The following GRAMD1B variants were observed in gnomAD, a reference collection of about 807,000 sequenced individuals.
The protein encoded by GRAMD1B is GRAM domain containing 1B.
Under a neutral mutation model 99.7 loss-of-function variants are expected in GRAMD1B, and 37 were observed. The ratio of observed to expected loss-of-function variants is 0.37; its 90% CI spans 0.29 to 0.49. The LOEUF is 0.49. GRAMD1B is among the 20% of genes least tolerant of loss of function. GRAMD1B has a pLI of 0.98. For synonymous variants in GRAMD1B, 427 were observed against 387.6 expected, an observed-to-expected ratio of 1.10 and a Z score of -1.19; for missense variants, 888 against 1,009.2, an observed-to-expected ratio of 0.88 and a Z score of 1.63.
chr11:123,416,414 C>A (rs1381774231), intron 1 of GRAMD1B, among the ~76,000 whole-genome samples: 1 of 152,138 alleles, frequency 6.6e-6, no homozygotes, highest in East Asian at 1.9e-4. Flanking sequence ...TCTATTCATA[C>A]TAGTGATAAT....
intron 2 of GRAMD1B, among the ~76,000 whole-genome samples, chr11:123,551,948 C>G (rs1945655350): frequency 6.6e-6 from 1 of 152,228 alleles, no homozygotes; most frequent in Non-Finnish European, 1.5e-5. Flanking sequence ...TCCTACTACA[C>G]TGACTTCCAT....
chr11:123,569,934 G>A (rs1947874829), intron 2 of GRAMD1B, among the ~76,000 whole-genome samples: 2 of 152,198 alleles, frequency 1.3e-5, no homozygotes, highest in African/African-American at 2.4e-5. Context: ...ATGTCCCATC[G>A]GGTTCTGCCT....
rs370369398 is a variant in GRAMD1B, at chr11:123,432,573, T to A, written c.374+1407T>A. Reference sequence around the variant, plus strand: ...TCTGTCTCAAAAAAAAAAAAAAAAATTGAAGACCTGTGGGAGCCATTGGAA... The same window carrying A: ...TCTGTCTCAAAAAAAAAAAAAAAAAATGAAGACCTGTGGGAGCCATTGGAA... On this transcript the variant is annotated intron_variant, in intron 1 of 19. Transcript: ENST00000635736. Among the ~76,000 whole-genome samples, 704 of 123,238 alleles carry A rather than the reference T, an allele frequency of 5.7e-3. 5 individuals carry two copies. The highest frequency in any genetic ancestry group is 0.018 in the African/African-American group (625 of 34,034). The allele number at this position is 123,238 out of a possible 152,430, so 80.8% of individuals were successfully genotyped here. A position where few individuals can be genotyped will look rare whatever the true frequency, so the allele number is the denominator to read the frequency against.
intron 3 of GRAMD1B, chr11:123,578,330 T>A: frequency 8.2e-7 from 1 of 1,226,004 alleles, no homozygotes; most frequent in Non-Finnish European, 1.2e-6. Context: ...CCACTTGAAT[T>A]TGTCTTTTGA....
At chr11:123,451,229 G>T (rs1949873253) in intron 1 of GRAMD1B, among the ~76,000 whole-genome samples, 1 of 152,204 alleles carries the variant, frequency 6.6e-6, no homozygotes, top group African/African-American at 2.4e-5. Context: ...TATTCTTTGT[G>T]ATTGCTGTAG....
At chr11:123,550,425 T>C (rs924086671) in intron 2 of GRAMD1B, among the ~76,000 whole-genome samples, 1 of 152,002 alleles carries the variant, frequency 6.6e-6, no homozygotes, top group Non-Finnish European at 1.5e-5. Flanking sequence ...ACACATACTC[T>C]CTCATGCACA....
At chr11:123,431,536 T>C (rs533785095) in intron 1 of GRAMD1B, among the ~76,000 whole-genome samples, 1 of 152,376 alleles carries the variant, frequency 6.6e-6, no homozygotes, top group South Asian at 2.1e-4. Context: ...CCAGATTTCA[T>C]CCCTACGCAA....
chr11:123,454,257 C>G (rs759106906), intron 1 of GRAMD1B: 1 of 152,254 alleles, frequency 6.6e-6, no homozygotes, highest in Non-Finnish European at 1.5e-5. Flanking sequence ...TGTAGATACT[C>G]ACTTCCTGGT....
At chr11:123,431,317 G>A (rs1055138005) in intron 1 of GRAMD1B, among the ~76,000 whole-genome samples, 151 bp downstream of exon 1, 6 of 152,228 alleles carry the variant, frequency 3.9e-5, no homozygotes, top group Non-Finnish European at 7.3e-5. Context: ...CTGGTCCCAG[G>A]GATGGTGGCA....
chr11:123,526,995 T>C (rs1942843778), intron 2 of GRAMD1B, among the ~76,000 whole-genome samples: 1 of 152,184 alleles, frequency 6.6e-6, no homozygotes, highest in Admixed American at 6.5e-5. Flanking sequence ...ATACCAGTGA[T>C]CCGGTACCCC....
At chr11:123,557,940 G>A (rs1445300966) in intron 2 of GRAMD1B, among the ~76,000 whole-genome samples, 1 of 141,460 alleles carries the variant, frequency 7.1e-6, no homozygotes, top group Admixed American at 7.1e-5. Context: ...CAACCCCTGT[G>A]TCTATGCCTT....
At position 123,619,239 on chromosome 11, in the gene GRAMD1B, C is replaced by T. The variant is rs372467289; in HGVS notation, c.2544+15C>T. 6 of 1,552,022 alleles carry T rather than the reference C, an allele frequency of 3.9e-6. No homozygotes were observed. The African/African-American group carries it at 6.8e-5, about 18-fold the overall frequency. ...TCCTTGACCAGGTGAGATGCCCCAC[C>T]TTCTCTGCTTGCCCTGGTCTTTGGG... On this transcript the variant is annotated intron_variant, in intron 19 of 19. Transcript: ENST00000635736.
intron 1 of GRAMD1B, among the ~76,000 whole-genome samples, chr11:123,470,400 G>A (rs572680427): frequency 1.3e-5 from 2 of 151,956 alleles, no homozygotes; most frequent in African/African-American, 4.8e-5. Flanking sequence ...GTCCAGGCTG[G>A]ACTTAAACAC....
At position 123,430,659 on chromosome 11, in the gene GRAMD1B, G is replaced by C. The variant is rs1241200028; in HGVS notation, c.-134G>C. On this transcript the variant is annotated 5_prime_UTR_variant, in exon 1 of 20. Transcript: ENST00000635736. The stretch of plus-strand genomic sequence containing the variant: ...TCGCGTCCCTTCCTCGCTGCGCTCC[G>C]GGAAAGGAACTTGTTCCTTCGGCCC... 7.9e-6 allele frequency: 4 copies of C among 505,240 alleles called. No homozygotes were observed. In the East Asian group the frequency reaches 1.4e-4, roughly 17 times the overall value. 31.3% of individuals were successfully genotyped at this position (505,240 alleles called of 1,614,324 possible). A position where few individuals can be genotyped will look rare whatever the true frequency, so the allele number is the denominator to read the frequency against.
chr11:123,483,255 A>G (rs779276358), intron 2 of GRAMD1B, among the ~76,000 whole-genome samples: 75 of 152,202 alleles, frequency 4.9e-4, no homozygotes, highest in Non-Finnish European at 9.7e-4. Flanking sequence ...GCATGTATAC[A>G]GCGTGGATAT....
chr11:123,519,976 G>T (rs1360222486), intron 2 of GRAMD1B, among the ~76,000 whole-genome samples: 2 of 152,248 alleles, frequency 1.3e-5, no homozygotes, highest in African/African-American at 2.4e-5. Flanking sequence ...GGATGGCCCT[G>T]GGTGTCTGCA....
chr11:123,531,548 C>T (rs79511764), intron 2 of GRAMD1B, among the ~76,000 whole-genome samples: 2,799 of 152,180 alleles, frequency 0.018, 85 homozygotes, highest in African/African-American at 0.063. Context: ...CCTTCCCTCC[C>T]GGCCTTCCTG....
intron 4 of GRAMD1B, among the ~76,000 whole-genome samples, chr11:123,588,428 G>A (rs1262185202): frequency 1.3e-5 from 2 of 152,078 alleles, no homozygotes; most frequent in African/African-American, 2.4e-5. Flanking sequence ...CTCACAGGGC[G>A]TATCCTGTCT....
Position 123,590,228 on chromosome 11 carries a change from T to A in GRAMD1B, c.685-3854T>A, listed in dbSNP as rs186044410. 3.8e-4 allele frequency among the ~76,000 whole-genome samples: 58 copies of A among 152,284 alleles called. No homozygotes were observed. In the Middle Eastern group the frequency reaches 0.014, roughly 36 times the overall value. On this transcript the variant is annotated intron_variant, in intron 4 of 19. Coordinates refer to ENST00000635736, the MANE Select transcript of GRAMD1B (RefSeq NM_001387025.1). Reference sequence around the variant, plus strand: ...CTCAGACAGATCCCGAAGCTGTTGATCTCAGCGTCTCCACCACCAGCGTGT... The same window carrying A: ...CTCAGACAGATCCCGAAGCTGTTGAACTCAGCGTCTCCACCACCAGCGTGT...
Sources: gnomAD v4.1 joint callset for allele counts (sites outside exome capture counted in the v4.1 genomes callset) on GRCh38, gnomAD v4.1.1 for gene constraint, MANE v1.5 for transcripts, NCBI Gene and HGNC (gene_info 2026-07-23, HGNC 2026-07-21) for gene names.